PIAS2: variants seen among roughly 807,000 people sequenced by gnomAD.
PIAS2 encodes E3 SUMO-protein ligase PIAS2.
PIAS2 carries 19 observed loss-of-function variants against 69.7 expected under a neutral mutation model. That is an observed-to-expected ratio of 0.27 (90% CI 0.19 to 0.40). The LOEUF (loss-of-function observed/expected upper bound fraction) is 0.40. Ranked by LOEUF, PIAS2 falls within the 10% of genes least tolerant of loss-of-function variation. The pLI is 1.00. For synonymous variants in PIAS2, 261 were observed against 263.2 expected, an observed-to-expected ratio of 0.99 and a Z score of 0.08; for missense variants, 624 against 757.0, an observed-to-expected ratio of 0.82 and a Z score of 2.06.
intron 2 of PIAS2, among the ~76,000 whole-genome samples, chr18:46,879,410 G>A (rs1435210492): frequency 6.6e-6 from 1 of 151,962 alleles, no homozygotes; most frequent in Non-Finnish European, 1.5e-5. Context: ...ATAATAGTAA[G>A]TGCAGATGAG....
At chr18:46,863,301 A>G (rs1043093142) in intron 3 of PIAS2, among the ~76,000 whole-genome samples, 1 of 152,056 alleles carries the variant, frequency 6.6e-6, no homozygotes, top group African/African-American at 2.4e-5. Context: ...GCTACTATAA[A>G]TTCTTTTTAT....
intron 2 of PIAS2, among the ~76,000 whole-genome samples, chr18:46,888,466 A>C (rs1426410980): frequency 6.6e-6 from 1 of 152,174 alleles, no homozygotes; most frequent in Non-Finnish European, 1.5e-5. Flanking sequence ...TTAAAGCTGG[A>C]GAATTCACTC....
At chr18:46,826,503 T>C (rs2144902092) in intron 11 of PIAS2, among the ~76,000 whole-genome samples, 1 of 152,346 alleles carries the variant, frequency 6.6e-6, no homozygotes, top group Non-Finnish European at 1.5e-5. Context: ...GTTTTTCCAC[T>C]ATATTCTAAA....
intron 5 of PIAS2, among the ~76,000 whole-genome samples, chr18:46,854,475 T>C (rs1182514500): frequency 6.6e-6 from 1 of 152,232 alleles, no homozygotes; most frequent in African/African-American, 2.4e-5. Context: ...TTGTACTATT[T>C]TTTTGATTAT....
At chr18:46,895,560 A>G (rs1031540191) in intron 1 of PIAS2, among the ~76,000 whole-genome samples, 1 of 152,162 alleles carries the variant, frequency 6.6e-6, no homozygotes, top group Non-Finnish European at 1.5e-5. Context: ...AATTCCAGCT[A>G]CTAGGGAGGC....
chr18:46,843,648 T>G (rs1162677724), intron 8 of PIAS2, among the ~76,000 whole-genome samples: 1 of 152,174 alleles, frequency 6.6e-6, no homozygotes, highest in Non-Finnish European at 1.5e-5. Context: ...TTGTGCAATT[T>G]AAAAGAACAT....
chr18:46,876,700 T>A (rs1161211074), intron 2 of PIAS2, among the ~76,000 whole-genome samples: 1 of 41,146 alleles, frequency 2.4e-5, no homozygotes. Flanking sequence ...TTTACTAATT[T>A]TTTTTTTTTT....
rs2041022519 is a variant in PIAS2 at position 46,811,857 on chromosome 18, A to G, written c.*576T>C. The stretch of plus-strand genomic sequence containing the variant: ...AATGCCATTTTTCTTTGATGCAATC[A>G]CGAAGAAAAGTGGAAATGCAGGACG... On this transcript the variant is annotated 3_prime_UTR_variant, in exon 14 of 14. Transcript: ENST00000585916. The G allele has an allele frequency of 6.6e-6, 1 of 152,226 alleles. No individual in the cohort carries two copies. The highest frequency in any genetic ancestry group is 1.5e-5 in the Non-Finnish European group (1 of 68,060). 9.4% of individuals were successfully genotyped at this position (152,226 alleles called of 1,614,324 possible).
At chr18:46,912,728 T>G (rs573064285) in intron 1 of PIAS2, among the ~76,000 whole-genome samples, 25 of 152,332 alleles carry the variant, frequency 1.6e-4, no homozygotes, top group African/African-American at 5.5e-4. Flanking sequence ...GGTATATTTT[T>G]AGACTTTTGG....
intron 1 of PIAS2, among the ~76,000 whole-genome samples, chr18:46,916,319 G>A (rs1191300993): frequency 6.6e-6 from 1 of 150,864 alleles, no homozygotes; most frequent in African/African-American, 2.4e-5. Context: ...ATTTGAAAAA[G>A]AAATCCTAAT....
At chr18:46,826,792 G>C (rs1416489105) in intron 11 of PIAS2, 2 of 152,106 alleles carry the variant, frequency 1.3e-5, no homozygotes. Context: ...TTTAATATAT[G>C]TGTAAATTAT....
In PIAS2 at chr18:46,804,462, T is replaced by C. The variant is rs1372826211; in HGVS notation, c.*7971A>G. The C allele has an allele frequency of 1.3e-5, 2 of 152,234 alleles. No homozygotes were observed. The highest frequency in any genetic ancestry group is 4.8e-5 in the African/African-American group (2 of 41,458). 9.4% of individuals were successfully genotyped at this position (152,234 alleles called of 1,614,324 possible). ...TGTTTCCACATTTGTAATATGGAGA[T>C]AATCATGCCAAACTCAACAAATTCT... On this transcript the variant is annotated 3_prime_UTR_variant, in exon 14 of 14. Transcript: ENST00000585916.
At chr18:46,896,727 A>C (rs1485298765) in intron 1 of PIAS2, among the ~76,000 whole-genome samples, 7 of 152,254 alleles carry the variant, frequency 4.6e-5, no homozygotes, top group Non-Finnish European at 7.3e-5. Flanking sequence ...AACATGGACC[A>C]TAAGAAGTCT....
chr18:46,829,163 G>A (rs1165216949), intron 10 of PIAS2, among the ~76,000 whole-genome samples: 1 of 152,148 alleles, frequency 6.6e-6, no homozygotes, highest in East Asian at 1.9e-4. Context: ...TCACCTGTGC[G>A]TTTCAATTAC....
At chr18:46,850,393 T>C (rs1456631978) in intron 5 of PIAS2, among the ~76,000 whole-genome samples, 1 of 152,140 alleles carries the variant, frequency 6.6e-6, no homozygotes, top group Non-Finnish European at 1.5e-5. Context: ...ACACACTTTT[T>C]CCCCAATGCT....
intron 13 of PIAS2, 91 bp downstream of exon 13, chr18:46,815,221 T>C (rs2041381597): frequency 1.0e-6 from 1 of 977,256 alleles, no homozygotes; most frequent in African/African-American, 1.6e-5. Context: ...CAGAGATGAC[T>C]GTCCTGATTT....
intron 11 of PIAS2, 54 bp downstream of exon 11, chr18:46,827,905 A>G (rs2043045061): frequency 6.9e-7 from 1 of 1,457,160 alleles, no homozygotes; most frequent in Non-Finnish European, 9.5e-7. Context: ...AAATCTATCC[A>G]AGAGCAATTA....
chr18:46,912,679 T>A (rs2057393788), intron 1 of PIAS2, among the ~76,000 whole-genome samples: 1 of 152,174 alleles, frequency 6.6e-6, no homozygotes, highest in Non-Finnish European at 1.5e-5. Context: ...AGTTAAGAAA[T>A]ATTTTTTTTG....
chr18:46,858,651 T>C (rs1403836145), intron 3 of PIAS2, among the ~76,000 whole-genome samples: 1 of 152,188 alleles, frequency 6.6e-6, no homozygotes, highest in South Asian at 2.1e-4. Context: ...GAGCCTTGAT[T>C]GCGGCACTGT....
Sources: gnomAD v4.1 joint callset for allele counts (sites outside exome capture counted in the v4.1 genomes callset) on GRCh38, gnomAD v4.1.1 for gene constraint, MANE v1.5 for transcripts, NCBI Gene and HGNC (gene_info 2026-07-23, HGNC 2026-07-21) for gene names.